Variants in TOPBP1 observed in about 807,000 individuals in gnomAD.
TOPBP1 encodes DNA topoisomerase II binding protein 1.
Under a neutral mutation model 167.7 loss-of-function variants are expected in TOPBP1, and 28 were observed. That is an observed-to-expected ratio of 0.17 (90% CI 0.12 to 0.23). TOPBP1 has a LOEUF of 0.23. TOPBP1 is among the 10% of genes least tolerant of loss of function. TOPBP1 has a pLI of 1.00. For missense variants in TOPBP1, 1,554 were observed against 1,809.6 expected (o/e 0.86, Z 2.56); for synonymous variants, 598 against 611.4 (o/e 0.98, Z 0.32).
chr3:133,643,057 C>T (rs2107813845), intron 12 of TOPBP1, 143 bp downstream of exon 12: 1 of 667,486 alleles, frequency 1.5e-6, no homozygotes. Flanking sequence ...TCAAGTGAAG[C>T]AGTGGGAGTG....
At chr3:133,651,870 A>C (rs553858002) in intron 8 of TOPBP1, among the ~76,000 whole-genome samples, 1 of 152,324 alleles carries the variant, frequency 6.6e-6, no homozygotes, top group South Asian at 2.1e-4. Flanking sequence ...TATATATATT[A>C]ACACACATAA....
chr3:133,644,077 A>G lies in TOPBP1; in HGVS notation c.1791T>C (p.Pro597=). The G allele has an allele frequency of 6.2e-7, 1 of 1,613,706 alleles. No homozygotes were observed. The highest frequency in any genetic ancestry group is 8.5e-7 in the Non-Finnish European group (1 of 1,179,784). ...SRTVADYAVV[P]LLGCEVEATV... ...TGGCTTCCACTTCACACCCCAGCAG[A>G]GGAACCACAGCATAATCCGCAACAG... The change falls in exon 11 of 28, where the codon CCT becomes CCC. Residue 597 remains proline (P), a synonymous_variant. Coordinates refer to ENST00000260810, the MANE Select transcript of TOPBP1 (RefSeq NM_007027.4).
At position 133,659,146 on chromosome 3, in the gene TOPBP1, A is replaced by G. The variant is rs993749630; in HGVS notation, c.89T>C (p.Ile30Thr). ...ATATTCTTCTGATTGGAATTCTTTT[A>G]TGGACTGAAAGAAAAAATAAAATAA... ...SKCFFKALES[I>T]KEFQSEEYLQ... The change falls in exon 3 of 28, where the codon ATA becomes ACA. Residue 30 changes from isoleucine to threonine, a missense_variant. Around this residue, in one of 3 missense-constraint regions of TOPBP1, gnomAD observed 1,197 missense variants for 1,351.5 expected, o/e 0.89. Transcript: ENST00000260810. The G allele has an allele frequency of 1.3e-6, 2 of 1,560,496 alleles. No individual in the cohort carries two copies. The highest frequency in any genetic ancestry group is 1.7e-6 in the Non-Finnish European group (2 of 1,155,890).
At chr3:133,642,833 T>G (rs533963817) in intron 12 of TOPBP1, among the ~76,000 whole-genome samples, 3 of 152,324 alleles carry the variant, frequency 2.0e-5, no homozygotes, top group Admixed American at 2.0e-4. Context: ...GCAAGGTAAT[T>G]CCTTGATCCT....
At chr3:133,647,636 A>G (rs958166878) in intron 10 of TOPBP1, among the ~76,000 whole-genome samples, 7 of 152,254 alleles carry the variant, frequency 4.6e-5, no homozygotes, top group Middle Eastern at 3.4e-3. Context: ...GTGCTTCAAG[A>G]CCAGCCTGGG....
chr3:133,624,824 T>C (rs140959285), intron 16 of TOPBP1, among the ~76,000 whole-genome samples: 138 of 152,332 alleles, frequency 9.1e-4, no homozygotes, highest in African/African-American at 3.2e-3. Context: ...ATTACATTAA[T>C]CTTAAAGATA....
Position 133,608,120 on chromosome 3 carries a change from C to G in TOPBP1, c.4425+415G>C, listed in dbSNP as rs1934550670. Among the ~76,000 whole-genome samples, 3 of 152,018 alleles carry G rather than the reference C, an allele frequency of 2.0e-5. No individual in the cohort carries two copies. In the South Asian group the frequency reaches 6.2e-4, roughly 31 times the overall value. Reference sequence around the variant, plus strand: ...AATTCTGAATATGAGAGTAGTAAGCCCACCATATAGCAAATGCTTAAATTT... The same window carrying G: ...AATTCTGAATATGAGAGTAGTAAGCGCACCATATAGCAAATGCTTAAATTT... On this transcript the variant is annotated intron_variant, in intron 27 of 27. Transcript: ENST00000260810.
intron 21 of TOPBP1, 29 bp from the exon 22 acceptor site, chr3:133,617,355 C>A: frequency 6.4e-7 from 1 of 1,562,502 alleles, no homozygotes; most frequent in Non-Finnish European, 8.6e-7. Context: ...TGCAGTGTGA[C>A]AGGATCCAAA....
At chr3:133,621,827 T>C (rs557632247) in intron 19 of TOPBP1, among the ~76,000 whole-genome samples, 1 of 152,290 alleles carries the variant, frequency 6.6e-6, no homozygotes, top group South Asian at 2.1e-4. Context: ...ACATATTAAA[T>C]CTATTAAAAG....
At chr3:133,640,663 A>C (rs530626801) in intron 12 of TOPBP1, among the ~76,000 whole-genome samples, 1 of 152,130 alleles carries the variant, frequency 6.6e-6, no homozygotes, top group Non-Finnish European at 1.5e-5. Context: ...CTCCTGCCTC[A>C]GCCTCCTAAA....
chr3:133,631,579 C>T (rs1576297765), intron 14 of TOPBP1, among the ~76,000 whole-genome samples: 1 of 152,096 alleles, frequency 6.6e-6, no homozygotes, highest in South Asian at 2.1e-4. Context: ...GGAGGAGGAG[C>T]CTGGTGGCAG....
At position 133,628,829 on chromosome 3, in the gene TOPBP1, GA is replaced by G. The variant is rs1265976290; in HGVS notation, c.2521-97del. 8.8e-6 allele frequency: 11 copies of G among 1,244,278 alleles called. No individual in the cohort carries two copies. The Admixed American group carries it at 1.9e-4, about 22-fold the overall frequency. The allele number at this position is 1,244,278 out of a possible 1,614,324, so 77.1% of individuals were successfully genotyped here. A position where few individuals can be genotyped will look rare whatever the true frequency, so the allele number is the denominator to read the frequency against. The stretch of plus-strand genomic sequence containing the variant: ...GACAGGAAAAAGAAAGAGGAGGAGA[GA>G]GGGGTAAAGAGAGAGAAGGGGGAGA... On this transcript the variant is annotated intron_variant, in intron 14 of 27. Transcript: ENST00000260810.
At position 133,628,608 on chromosome 3, in the gene TOPBP1, A is replaced by T. The variant is rs575256393; in HGVS notation, c.2646T>A (p.Ala882=). ...QLALANSSRN[A]VALSASPQLK... Reference sequence around the variant, plus strand: ...GTTGAGGGCTGGCAGAAAGAGCGACAGCATTTCGAGAGCTATTTGCCAAAG... The same window carrying T: ...GTTGAGGGCTGGCAGAAAGAGCGACTGCATTTCGAGAGCTATTTGCCAAAG... Residue 882 remains alanine (A), a synonymous_variant, in exon 15 of 28, where the codon GCT becomes GCA. Coordinates refer to ENST00000260810, the MANE Select transcript of TOPBP1 (RefSeq NM_007027.4). The T allele has an allele frequency of 6.2e-7, 1 of 1,610,156 alleles. No individual in the cohort carries two copies. The highest frequency in any genetic ancestry group is 1.1e-5 in the South Asian group (1 of 90,088).
At position 133,600,551 on chromosome 3, in the gene TOPBP1, T is replaced by C. The variant is rs1378424102; in HGVS notation, c.*699A>G. The C allele has an allele frequency of 6.6e-6, 1 of 152,542 alleles. No individual in the cohort carries two copies. Among genetic ancestry groups the C allele is most frequent in the Non-Finnish European group, 1.5e-5 (1 of 68,058 alleles). 9.4% of individuals were successfully genotyped at this position (152,542 alleles called of 1,614,324 possible). ...ACCGCACCCAGGCCCCTGCAATTCATTTTTTACGTTACATAAATGTTTTGT... is the reference window on the plus strand; with the variant it reads ...ACCGCACCCAGGCCCCTGCAATTCACTTTTTACGTTACATAAATGTTTTGT... On this transcript the variant is annotated 3_prime_UTR_variant, in exon 28 of 28. Transcript: ENST00000260810.
At chr3:133,614,879 T>C (rs556033988) in intron 23 of TOPBP1, among the ~76,000 whole-genome samples, 132 of 151,004 alleles carry the variant, frequency 8.7e-4, no homozygotes, top group African/African-American at 3.0e-3. Flanking sequence ...CTAATGAAAA[T>C]GACAAGTTAA....
intron 23 of TOPBP1, among the ~76,000 whole-genome samples, chr3:133,613,863 G>A (rs1021403232): frequency 6.8e-6 from 1 of 147,842 alleles, no homozygotes; most frequent in African/African-American, 2.5e-5. Flanking sequence ...GCGCGATCTC[G>A]ACTCACTGCA....
At chr3:133,612,612 G>A in intron 23 of TOPBP1, 60 bp from the exon 24 acceptor site, 1 of 1,469,168 alleles carries the variant, frequency 6.8e-7, no homozygotes, top group African/African-American at 1.4e-5. Context: ...TAGGAAAAAT[G>A]TAATCTCAAC....
At chr3:133,620,850 C>T (rs1380811713) in intron 19 of TOPBP1, among the ~76,000 whole-genome samples, 2 of 152,154 alleles carry the variant, frequency 1.3e-5, no homozygotes, top group East Asian at 3.9e-4. Flanking sequence ...GCTAGGATTA[C>T]AGGCATGAGC....
intron 10 of TOPBP1, among the ~76,000 whole-genome samples, chr3:133,647,302 C>T (rs1390126923): frequency 1.3e-5 from 2 of 152,084 alleles, no homozygotes; most frequent in Non-Finnish European, 2.9e-5. Context: ...AACCTCCAGC[C>T]AATACACCAA....
Sources: allele counts gnomAD v4.1 joint callset (sites outside exome capture counted in the v4.1 genomes callset), GRCh38; gene constraint gnomAD v4.1.1; regional missense constraint gnomAD v4.1.1; transcripts MANE v1.5; gene names NCBI Gene and HGNC (gene_info 2026-07-23, HGNC 2026-07-21).